Variants in ANK2 observed in about 807,000 individuals in gnomAD.
The protein encoded by ANK2 is ankyrin-2.
ANK2 carries 83 observed loss-of-function variants against 360.5 expected under a neutral mutation model. The observed-to-expected ratio is 0.23, with a 90% CI of 0.19 to 0.28. The LOEUF is 0.28. Among genes scored for constraint, ANK2 ranks in the 10% least tolerant of loss-of-function variants. The pLI is 1.00. For missense variants in ANK2, 4,201 were observed against 4,795.7 expected (o/e 0.88, Z 3.66); for synonymous variants, 1,740 against 1,759.5 (o/e 0.99, Z 0.28).
At chr4:112,735,736 A>G in the ANK2 span, among the ~76,000 whole-genome samples, 1 of 152,210 alleles carries the variant, frequency 6.6e-6, no homozygotes, top group Non-Finnish European at 1.5e-5. Flanking sequence ...TTCTAAGTGT[A>G]CAGTTCAGTA....
upstream of ANK2, among the ~76,000 whole-genome samples, chr4:113,045,762 T>C (rs1427542661): frequency 6.6e-6 from 1 of 152,214 alleles, no homozygotes; most frequent in Non-Finnish European, 1.5e-5. Flanking sequence ...AGCAACTCCC[T>C]TTTCTCAAAT....
At chr4:113,190,392 G>A (rs2098639394) in intron 2 of ANK2, among the ~76,000 whole-genome samples, 1 of 151,994 alleles carries the variant, frequency 6.6e-6, no homozygotes. Context: ...TTATAAGCGT[G>A]AGCCACTGTG....
intron 4 of ANK2, chr4:113,214,363 C>A: frequency 1.1e-6 from 1 of 893,132 alleles, no homozygotes; most frequent in Non-Finnish European, 1.8e-6. Flanking sequence ...CCCTTTTTGG[C>A]ACGACCATTG....
intron 1 of ANK2, among the ~76,000 whole-genome samples, chr4:113,068,476 A>T (rs1389511737): frequency 6.6e-5 from 10 of 152,230 alleles, no homozygotes; most frequent in African/African-American, 1.9e-4. Flanking sequence ...ACTTTAAAAC[A>T]TATAATGAAA....
intron 34 of ANK2, among the ~76,000 whole-genome samples, chr4:113,343,810 A>G (rs1165864501): frequency 3.9e-5 from 6 of 152,164 alleles, no homozygotes; most frequent in African/African-American, 1.4e-4. Flanking sequence ...ATTATTTTCC[A>G]AGCTCATTTT....
At chr4:113,148,356 G>A (rs1048614401) in intron 1 of ANK2, among the ~76,000 whole-genome samples, 4 of 152,084 alleles carry the variant, frequency 2.6e-5, no homozygotes, top group Non-Finnish European at 5.9e-5. Context: ...CCATAGATGC[G>A]ATGCTTTAAT....
rs548984682 is a variant in ANK2 at position 112,934,114 on chromosome 4, G to A, written c.21+29600G>A. ...ATTTCAAGTTATGAAAATTCACCTA[G>A]TGTAGTTTCGGGAGACAGAATTGTG... On this transcript the variant is annotated intron_variant, in intron 2 of 30. Coordinates refer to the ANK2 transcript ENST00000503271. Among the ~76,000 whole-genome samples, 9 of 152,274 alleles carry A rather than the reference G, an allele frequency of 5.9e-5. No homozygotes were observed. The South Asian group carries it at 1.9e-3, about 32-fold the overall frequency.
chr4:112,983,560 A>T (rs376213476), intron 2 of ANK2, among the ~76,000 whole-genome samples: 2 of 152,148 alleles, frequency 1.3e-5, no homozygotes, highest in African/African-American at 4.8e-5. Flanking sequence ...CTGTAATTCC[A>T]GCTACTCGTG....
chr4:113,106,622 C>T (rs2093657762), intron 1 of ANK2, among the ~76,000 whole-genome samples: 1 of 152,128 alleles, frequency 6.6e-6, no homozygotes, highest in African/African-American at 2.4e-5. Context: ...AGTTCCTCTT[C>T]CTGGATTTTG....
intron 2 of ANK2, among the ~76,000 whole-genome samples, chr4:112,971,332 T>C (rs1037415095): frequency 3.9e-5 from 6 of 152,188 alleles, no homozygotes; most frequent in African/African-American, 1.4e-4. Context: ...CAAGGTAACC[T>C]CTGTCCCAAC....
intron 4 of ANK2, among the ~76,000 whole-genome samples, chr4:113,203,288 AT>A (rs1264443048): frequency 2.6e-5 from 4 of 152,226 alleles, no homozygotes; most frequent in African/African-American, 9.6e-5. Flanking sequence ...TTTTAAAAAA[AT>A]GTTCAAATTT....
At chr4:112,782,587 C>G in the ANK2 span, among the ~76,000 whole-genome samples, 1 of 151,986 alleles carries the variant, frequency 6.6e-6, no homozygotes, top group Admixed American at 6.6e-5. Flanking sequence ...AGATTAAAGG[C>G]TGGGCTCGGT....
At chr4:113,097,864 G>GTATATATATATA (rs1369796742) in intron 1 of ANK2, among the ~76,000 whole-genome samples, 1 of 136,552 alleles carries the variant, frequency 7.3e-6, no homozygotes, top group African/African-American at 2.8e-5. Context: ...GTGTGTGTGT[G>GTATATATATATA]TGTATATATA....
chr4:113,184,823 A>C (rs1279918930), intron 2 of ANK2, among the ~76,000 whole-genome samples: 1 of 151,954 alleles, frequency 6.6e-6, no homozygotes, highest in Admixed American at 6.6e-5. Flanking sequence ...CCCATCATCT[A>C]CATTAGGTAT....
chr4:112,739,202 A>G, the ANK2 span: 5 of 300,610 alleles, frequency 1.7e-5, no homozygotes, highest in South Asian at 9.7e-5. Flanking sequence ...AGAAGAGTCC[A>G]TTGTAAGGAG....
chr4:112,998,249 A>G (rs192350012), intron 2 of ANK2, among the ~76,000 whole-genome samples: 31 of 151,790 alleles, frequency 2.0e-4, no homozygotes, highest in African/African-American at 7.5e-4. Context: ...GCAGAAGTCA[A>G]TTATGTCTGC....
At chr4:112,800,643 GTCAGCC>G in the ANK2 span, among the ~76,000 whole-genome samples, 1 of 152,078 alleles carries the variant, frequency 6.6e-6, no homozygotes, top group Non-Finnish European at 1.5e-5. Flanking sequence ...TTTTGAGAAA[GTCAGCC>G]TCACTGGCTT....
At chr4:113,181,374 TTAGA>T (rs2098409666) in intron 2 of ANK2, among the ~76,000 whole-genome samples, 1 of 152,188 alleles carries the variant, frequency 6.6e-6, no homozygotes, top group Non-Finnish European at 1.5e-5. Context: ...CTAGCTCATC[TTAGA>T]TAGTAGAATC....
Position 113,270,038 on chromosome 4 carries a change from T to C in ANK2, c.1486-4414T>C, listed in dbSNP as rs187065372. On this transcript the variant is annotated intron_variant, in intron 14 of 45. Coordinates refer to ENST00000357077, the MANE Select transcript of ANK2 (RefSeq NM_001148.6). ...TTTAAAGCTTTATTCAACCATGAGCTTCCCCTGCCATAACATTTTTCTGGT... is the reference window on the plus strand; with the variant it reads ...TTTAAAGCTTTATTCAACCATGAGCCTCCCCTGCCATAACATTTTTCTGGT... Among the ~76,000 whole-genome samples, 12 of 152,308 alleles carry C rather than the reference T, an allele frequency of 7.9e-5. No individual in the cohort carries two copies. In the East Asian group the frequency reaches 1.7e-3, roughly 22 times the overall value.
Sources: gnomAD v4.1 joint callset for allele counts (sites outside exome capture counted in the v4.1 genomes callset) on GRCh38, gnomAD v4.1.1 for gene constraint, MANE v1.5 for transcripts, NCBI Gene and HGNC (gene_info 2026-07-23, HGNC 2026-07-21) for gene names.